Variants in CSMD1 observed in about 807,000 individuals in gnomAD.
CSMD1 encodes the protein CUB and Sushi multiple domains 1, also known as CUB and sushi domain-containing protein 1.
Under a neutral mutation model 417.5 loss-of-function variants are expected in CSMD1, and 213 were observed. That is an observed-to-expected ratio of 0.51 (90% CI 0.46 to 0.57). CSMD1 has a LOEUF of 0.57. Among genes scored for constraint, CSMD1 ranks in the 20% least tolerant of loss-of-function variants. CSMD1 has a pLI of 0.00. For synonymous variants in CSMD1, 2,862 were observed against 1,736.8 expected, an observed-to-expected ratio of 1.65 and a Z score of -16.11; for missense variants, 6,923 against 4,529.7, an observed-to-expected ratio of 1.53 and a Z score of -15.17.
At chr8:3,561,934 G>A (rs1799483954) in intron 10 of CSMD1, among the ~76,000 whole-genome samples, 1 of 152,188 alleles carries the variant, frequency 6.6e-6, no homozygotes, top group South Asian at 2.1e-4. Flanking sequence ...GGATGCAGAT[G>A]ATCTCCCGTG....
At chr8:3,157,849 C>T (rs1361709725) in intron 39 of CSMD1, 48 bp downstream of exon 39, 2 of 1,451,688 alleles carry the variant, frequency 1.4e-6, no homozygotes, top group East Asian at 2.5e-5. Flanking sequence ...CAGGCATGTT[C>T]TTCCCAGTGT....
intron 12 of CSMD1, among the ~76,000 whole-genome samples, chr8:3,445,563 G>C (rs866284777): frequency 6.6e-6 from 1 of 152,114 alleles, no homozygotes; most frequent in Non-Finnish European, 1.5e-5. Flanking sequence ...GACTTCTTAT[G>C]AAAGTGCGGA....
chr8:3,393,389 A>T (rs898380686), intron 17 of CSMD1, among the ~76,000 whole-genome samples: 12 of 152,194 alleles, frequency 7.9e-5, no homozygotes, highest in Non-Finnish European at 1.6e-4. Context: ...AGCAGATCAG[A>T]ACTTTATGAC....
At chr8:3,462,794 A>AC (rs11443171) in intron 12 of CSMD1, among the ~76,000 whole-genome samples, 8,631 of 152,016 alleles carry the variant, frequency 0.057, 355 homozygotes, top group East Asian at 0.15. Context: ...AAGGCTGGGG[A>AC]CTCTTATCTA....
At chr8:3,346,199 G>C (rs1162467631) in intron 22 of CSMD1, among the ~76,000 whole-genome samples, 1 of 151,980 alleles carries the variant, frequency 6.6e-6, no homozygotes, top group South Asian at 2.1e-4. Context: ...AATGTGAGAA[G>C]CACGTTTTTT....
At chr8:3,002,152 A>G (rs1032682116) in intron 52 of CSMD1, among the ~76,000 whole-genome samples, 10 of 152,306 alleles carry the variant, frequency 6.6e-5, no homozygotes, top group African/African-American at 2.4e-4. Context: ...ATTTGTCCCA[A>G]TCACTCCCAC....
intron 26 of CSMD1, among the ~76,000 whole-genome samples, chr8:3,241,524 G>A (rs569708104): frequency 5.3e-5 from 8 of 152,328 alleles, no homozygotes; most frequent in Non-Finnish European, 7.3e-5. Context: ...GAGTCAGAGA[G>A]TCTTGGGCCA....
chr8:3,735,792 A>T (rs758504215), intron 6 of CSMD1, among the ~76,000 whole-genome samples: 1 of 152,202 alleles, frequency 6.6e-6, no homozygotes, highest in Non-Finnish European at 1.5e-5. Context: ...GCTCCTTGCT[A>T]ATCTGGCCAA....
chr8:4,288,759 CTCTAAGA>C, intron 3 of CSMD1, among the ~76,000 whole-genome samples: 1 of 152,320 alleles, frequency 6.6e-6, no homozygotes, highest in South Asian at 2.1e-4. Context: ...AACCTCCCAA[CTCTAAGA>C]TCTGATACCT....
intron 5 of CSMD1, among the ~76,000 whole-genome samples, chr8:3,854,464 C>A (rs1392239700): frequency 6.6e-6 from 1 of 152,088 alleles, no homozygotes; most frequent in Non-Finnish European, 1.5e-5. Context: ...AATTACTTGG[C>A]ACACGTTATA....
intron 10 of CSMD1, among the ~76,000 whole-genome samples, chr8:3,496,876 C>T (rs745635690): frequency 2.0e-5 from 3 of 152,116 alleles, no homozygotes; most frequent in Non-Finnish European, 4.4e-5. Context: ...CTTTATAGAC[C>T]CATTGGCCTA....
intron 3 of CSMD1, among the ~76,000 whole-genome samples, chr8:4,411,704 G>A (rs1341609245): frequency 6.6e-6 from 1 of 152,054 alleles, no homozygotes; most frequent in Non-Finnish European, 1.5e-5. Context: ...GCTCACGAAA[G>A]CATATATATA....
At chr8:3,744,984 G>C (rs930455973) in intron 6 of CSMD1, among the ~76,000 whole-genome samples, 1 of 152,136 alleles carries the variant, frequency 6.6e-6, no homozygotes, top group African/African-American at 2.4e-5. Flanking sequence ...GTAAAGCCTA[G>C]AGTAGCTGGG....
At chr8:4,947,709 T>G (rs1031510400) in intron 1 of CSMD1, among the ~76,000 whole-genome samples, 59 of 152,142 alleles carry the variant, frequency 3.9e-4, no homozygotes, top group African/African-American at 1.4e-3. Context: ...AAATATATTT[T>G]GTCTAAAGTT....
Position 3,411,949 on chromosome 8 carries a change from T to TAAC in CSMD1, c.1562-2345_1562-2344insGTT, listed in dbSNP as rs1563361840. ...ATATATACACGTATATATGCACGTATATATACACGTATATATGCACGTATA... is the reference window on the plus strand; with the variant it reads ...ATATATACACGTATATATGCACGTATAACATATACACGTATATATGCACGTATA... On this transcript the variant is annotated intron_variant, in intron 12 of 69. Transcript: ENST00000635120. Among the ~76,000 whole-genome samples the TAAC allele has an allele frequency of 1.5e-4, 12 of 81,650 alleles. 3 individuals carry two copies. The highest frequency in any genetic ancestry group is 5.8e-4 in the African/African-American group (12 of 20,746). 53.6% of individuals were successfully genotyped at this position (81,650 alleles called of 152,430 possible).
intron 3 of CSMD1, among the ~76,000 whole-genome samples, chr8:4,236,035 G>GTTTTTTTTTTTTT (rs869046913): frequency 8.0e-5 from 9 of 112,656 alleles, no homozygotes; most frequent in African/African-American, 3.1e-4. Flanking sequence ...TGTTTTTTTT[G>GTTTTTTTTTTTTT]TTTGTTTTTT....
At chr8:4,244,087 T>C (rs1240931299) in intron 3 of CSMD1, among the ~76,000 whole-genome samples, 1 of 152,210 alleles carries the variant, frequency 6.6e-6, no homozygotes, top group Non-Finnish European at 1.5e-5. Context: ...GACAGCTCTG[T>C]GCATCTGAAG....
chr8:4,639,976 C>T (rs542204251), intron 1 of CSMD1, among the ~76,000 whole-genome samples: 69 of 152,072 alleles, frequency 4.5e-4, no homozygotes, highest in Admixed American at 1.8e-3. Context: ...GTCTGCTTTA[C>T]GAGTAATTCT....
chr8:4,162,892 G>A (rs945746240), intron 3 of CSMD1, among the ~76,000 whole-genome samples: 2 of 152,122 alleles, frequency 1.3e-5, no homozygotes, highest in Non-Finnish European at 2.9e-5. Context: ...TTTCCCTGTT[G>A]ATTTCCCCTT....
Sources: gnomAD v4.1 joint callset for allele counts (sites outside exome capture counted in the v4.1 genomes callset) on GRCh38, gnomAD v4.1.1 for gene constraint, MANE v1.5 for transcripts, NCBI Gene and HGNC (gene_info 2026-07-23, HGNC 2026-07-21) for gene names.